CLYBL: variants seen among roughly 807,000 people sequenced by gnomAD.
CLYBL encodes the protein citramalyl-CoA lyase, mitochondrial.
In CLYBL, 31 loss-of-function variants were observed where a neutral mutation model predicts 38.9. That is an observed-to-expected ratio of 0.80 (90% CI 0.60 to 1.08). The LOEUF (loss-of-function observed/expected upper bound fraction) is 1.08. Among genes scored for constraint, CLYBL ranks in the 50% least tolerant of loss-of-function variants. CLYBL has a pLI of 0.00. For synonymous variants in CLYBL, 171 were observed against 158.6 expected (o/e 1.08, Z -0.59); for missense variants, 434 against 411.6 (o/e 1.05, Z -0.47).
At chr13:99,613,547 C>T (rs375604751) in intron 1 of CLYBL, among the ~76,000 whole-genome samples, 40 of 151,684 alleles carry the variant, frequency 2.6e-4, no homozygotes, top group Non-Finnish European at 5.3e-4. Flanking sequence ...GCTGTGAGGC[C>T]ACTAAGGGAA....
At chr13:99,693,139 G>C (rs932649106) in intron 1 of CLYBL, among the ~76,000 whole-genome samples, 5 of 152,154 alleles carry the variant, frequency 3.3e-5, no homozygotes, top group Admixed American at 6.5e-5. Context: ...GAGGAACTGG[G>C]ATGTATAGCG....
intron 1 of CLYBL, among the ~76,000 whole-genome samples, chr13:99,744,264 G>T (rs1042651751): frequency 1.3e-5 from 2 of 151,940 alleles, no homozygotes; most frequent in Non-Finnish European, 2.9e-5. Context: ...GAGCCACCGC[G>T]CCCAGCTACA....
intron 1 of CLYBL, among the ~76,000 whole-genome samples, chr13:99,685,735 G>T (rs1038986367): frequency 1.3e-5 from 2 of 152,132 alleles, no homozygotes; most frequent in Non-Finnish European, 1.5e-5. Context: ...GCCAAGGTGG[G>T]TGGATCACTT....
chr13:99,717,254 C>T lies in CLYBL; in HGVS notation c.63-55570C>T, dbSNP rs551445238. Among the ~76,000 whole-genome samples the T allele has an allele frequency of 2.3e-4, 34 of 151,016 alleles. No individual in the cohort carries two copies. In the South Asian group the frequency reaches 4.2e-3, roughly 19 times the overall value. The stretch of plus-strand genomic sequence containing the variant: ...CAGCCTGGACAACATGGTGAAACCC[C>T]GTCTCTACTAAAAATTCAAAAATTA... On this transcript the variant is annotated intron_variant, in intron 1 of 8. Coordinates refer to ENST00000339105, the MANE Select transcript of CLYBL (RefSeq NM_206808.5).
At chr13:99,607,467 A>T (rs1318358386) in intron 1 of CLYBL, among the ~76,000 whole-genome samples, 1 of 152,344 alleles carries the variant, frequency 6.6e-6, no homozygotes. Flanking sequence ...GGGAGGACCA[A>T]GCAGACCCTC....
chr13:99,898,597 CT>C (rs2052608683), downstream of CLYBL, among the ~76,000 whole-genome samples: 1 of 152,230 alleles, frequency 6.6e-6, no homozygotes, highest in African/African-American at 2.4e-5. Flanking sequence ...GCCCCCGCCC[CT>C]GTGTACCCAC....
intron 8 of CLYBL, among the ~76,000 whole-genome samples, chr13:99,904,218 A>G (rs1463490988): frequency 6.6e-6 from 1 of 152,198 alleles, no homozygotes; most frequent in Non-Finnish European, 1.5e-5. Context: ...CCCCACCCCA[A>G]ACTAATTCAA....
chr13:99,724,055 G>GT (rs1043217762), intron 1 of CLYBL, among the ~76,000 whole-genome samples: 2 of 152,116 alleles, frequency 1.3e-5, no homozygotes, highest in African/African-American at 2.4e-5. Flanking sequence ...TGTTGTCTTT[G>GT]TTTTTTGCTG....
intron 2 of CLYBL, among the ~76,000 whole-genome samples, chr13:99,801,916 C>G (rs1336175184): frequency 2.6e-5 from 4 of 151,974 alleles, no homozygotes; most frequent in African/African-American, 9.7e-5. Context: ...CTCGGGAGAC[C>G]GAGGCAGGAG....
At chr13:99,816,544 A>G (rs556097421) in intron 2 of CLYBL, among the ~76,000 whole-genome samples, 1 of 152,322 alleles carries the variant, frequency 6.6e-6, no homozygotes, top group African/African-American at 2.4e-5. Flanking sequence ...TGAAACCTCA[A>G]TGTGATGGTA....
At chr13:99,607,149 A>G (rs2046539769) in intron 1 of CLYBL, among the ~76,000 whole-genome samples, 1 of 152,232 alleles carries the variant, frequency 6.6e-6, no homozygotes, top group African/African-American at 2.4e-5. Context: ...GGACCCGTTT[A>G]CACGTCTAAA....
At chr13:99,852,625 A>G (rs1170595592) in intron 2 of CLYBL, among the ~76,000 whole-genome samples, 2 of 152,228 alleles carry the variant, frequency 1.3e-5, no homozygotes, top group Non-Finnish European at 2.9e-5. Flanking sequence ...TTAACTTTTT[A>G]TTGTGGAAAT....
chr13:99,641,733 A>C (rs1416871027), intron 1 of CLYBL, among the ~76,000 whole-genome samples: 1 of 152,068 alleles, frequency 6.6e-6, no homozygotes, highest in Non-Finnish European at 1.5e-5. Flanking sequence ...AATGGCGTGA[A>C]CCCGGGAGGT....
At chr13:99,833,575 C>T (rs766044113) in intron 2 of CLYBL, among the ~76,000 whole-genome samples, 1 of 151,866 alleles carries the variant, frequency 6.6e-6, no homozygotes, top group Non-Finnish European at 1.5e-5. Flanking sequence ...CTCCAGTCAC[C>T]TCCCCCAACA....
At chr13:99,718,552 G>A (rs2048351698) in intron 1 of CLYBL, among the ~76,000 whole-genome samples, 1 of 151,994 alleles carries the variant, frequency 6.6e-6, no homozygotes, top group African/African-American at 2.4e-5. Flanking sequence ...GGTATTTCCT[G>A]GACTCGTGTC....
intron 2 of CLYBL, among the ~76,000 whole-genome samples, chr13:99,788,542 G>A (rs987826906): frequency 2.0e-5 from 3 of 152,186 alleles, no homozygotes; most frequent in African/African-American, 7.2e-5. Flanking sequence ...GCATCCCAGG[G>A]ATGAAGCCCA....
intron 1 of CLYBL, among the ~76,000 whole-genome samples, chr13:99,630,955 A>G (rs1235374004): frequency 2.0e-5 from 3 of 152,016 alleles, no homozygotes; most frequent in African/African-American, 7.3e-5. Flanking sequence ...TGTTTGCTGA[A>G]CCACTACACT....
At chr13:99,751,996 C>A (rs562425152) in intron 1 of CLYBL, among the ~76,000 whole-genome samples, 43 of 152,214 alleles carry the variant, frequency 2.8e-4, no homozygotes, top group Non-Finnish European at 5.7e-4. Flanking sequence ...GGGTTCAGAT[C>A]GCCAGTCCCT....
At chr13:99,845,845 TCTC>T (rs1271924656) in intron 2 of CLYBL, among the ~76,000 whole-genome samples, 1 of 152,168 alleles carries the variant, frequency 6.6e-6, no homozygotes, top group African/African-American at 2.4e-5. Context: ...CCGTCCTTCT[TCTC>T]CTTCGTTTTC....
Sources: gnomAD v4.1 joint callset for allele counts (sites outside exome capture counted in the v4.1 genomes callset) on GRCh38, gnomAD v4.1.1 for gene constraint, MANE v1.5 for transcripts, NCBI Gene and HGNC (gene_info 2026-07-23, HGNC 2026-07-21) for gene names.